Variants in GPHN observed in about 807,000 individuals in gnomAD.
The protein encoded by GPHN is gephyrin.
Under a neutral mutation model 95.5 loss-of-function variants are expected in GPHN, and 17 were observed. That is an observed-to-expected ratio of 0.18 (90% CI 0.12 to 0.27). GPHN has a LOEUF of 0.27. Among genes scored for constraint, GPHN ranks in the 10% least tolerant of loss-of-function variants. The pLI is 1.00. For synonymous variants in GPHN, 320 were observed against 322.5 expected, an observed-to-expected ratio of 0.99 and a Z score of 0.08; for missense variants, 660 against 978.1, an observed-to-expected ratio of 0.67 and a Z score of 4.34.
chr14:67,592,595 G>C, the GPHN span: 1 of 1,170,994 alleles, frequency 8.5e-7, no homozygotes. Flanking sequence ...TGAAAAGGTT[G>C]AGGAGTAATT....
the GPHN span, among the ~76,000 whole-genome samples, chr14:67,217,740 A>G: frequency 2.0e-5 from 3 of 152,114 alleles, no homozygotes; most frequent in Non-Finnish European, 4.4e-5. Flanking sequence ...TTAAGAGTTT[A>G]ATCTTAAGAG....
the GPHN span, among the ~76,000 whole-genome samples, chr14:67,709,119 C>G: frequency 1.3e-5 from 2 of 152,036 alleles, no homozygotes; most frequent in Non-Finnish European, 2.9e-5. Flanking sequence ...TTAATTAGGT[C>G]AGAAAAAGAC....
At chr14:67,321,037 A>G in the GPHN span, 2 of 1,610,318 alleles carry the variant, frequency 1.2e-6, no homozygotes, top group African/African-American at 2.7e-5. Context: ...TGTTATTTCT[A>G]TCTGATTTTG....
chr14:66,700,319 C>T (rs1010126027), intron 2 of GPHN, among the ~76,000 whole-genome samples: 2 of 152,120 alleles, frequency 1.3e-5, no homozygotes, highest in Admixed American at 6.6e-5. Flanking sequence ...TTTTGACACA[C>T]ATACTGGAAT....
At chr14:67,251,346 A>G in the GPHN span, among the ~76,000 whole-genome samples, 1 of 152,178 alleles carries the variant, frequency 6.6e-6, no homozygotes, top group Admixed American at 6.5e-5. Flanking sequence ...CAACCTGGGC[A>G]ACACAGTGGG....
chr14:66,599,392 A>ATTTGTTTTTTT (rs1555357374), intron 1 of GPHN, among the ~76,000 whole-genome samples: 1 of 76,524 alleles, frequency 1.3e-5, no homozygotes. Flanking sequence ...TTTTTTTTGC[A>ATTTGTTTTTTT]TTTTTTTTTT....
intron 3 of GPHN, among the ~76,000 whole-genome samples, chr14:66,777,960 G>C (rs1298987084): frequency 1.3e-5 from 2 of 152,100 alleles, no homozygotes; most frequent in African/African-American, 4.8e-5. Flanking sequence ...CATAGTGTTG[G>C]AAGTTCTGGC....
At chr14:67,004,543 G>A (rs754240365) in intron 9 of GPHN, among the ~76,000 whole-genome samples, 6 of 151,668 alleles carry the variant, frequency 4.0e-5, no homozygotes, top group Non-Finnish European at 8.9e-5. Flanking sequence ...TATGACTAGA[G>A]GAAATGTCTT....
Position 67,070,715 on chromosome 14 carries a change from A to AAAT in GPHN, c.1144+11930_1144+11931insATA. Among the ~76,000 whole-genome samples the AAAT allele has an allele frequency of 7.7e-3, 617 of 80,604 alleles. 12 individuals are homozygous for AAAT. Among genetic ancestry groups the AAAT allele is most frequent in the Non-Finnish European group, 0.01 (544 of 53,470 alleles). 52.9% of individuals were successfully genotyped at this position (80,604 alleles called of 152,430 possible). A position where few individuals can be genotyped will look rare whatever the true frequency, so the allele number is the denominator to read the frequency against. On this transcript the variant is annotated intron_variant, in intron 11 of 22. Coordinates refer to ENST00000478722, the MANE Select transcript of GPHN (RefSeq NM_020806.5). Reference sequence around the variant, plus strand: ...ATCTCAAAAAAAAAAAAAAAAAAAAAATATATATATATATCCAATCAGCAT... The same window carrying AAAT: ...ATCTCAAAAAAAAAAAAAAAAAAAAAAATATATATATATATATCCAATCAGCAT...
the GPHN span, among the ~76,000 whole-genome samples, chr14:67,657,394 C>G: frequency 6.6e-6 from 1 of 152,160 alleles, no homozygotes; most frequent in Non-Finnish European, 1.5e-5. Context: ...AAATTAGTAT[C>G]TGGGGCTTGA....
At chr14:66,684,583 A>G (rs2067214743) in intron 2 of GPHN, among the ~76,000 whole-genome samples, 1 of 152,190 alleles carries the variant, frequency 6.6e-6, no homozygotes, top group African/African-American at 2.4e-5. Context: ...ACTGTATAGT[A>G]CATACTCCAG....
the GPHN span, among the ~76,000 whole-genome samples, chr14:67,220,445 A>G: frequency 8.9e-5 from 12 of 135,150 alleles, no homozygotes; most frequent in Non-Finnish European, 1.5e-4. Flanking sequence ...TTTTCTCAGG[A>G]AAAAAAAAAA....
At chr14:67,004,621 A>ATT (rs2072475592) in intron 9 of GPHN, among the ~76,000 whole-genome samples, 1 of 151,736 alleles carries the variant, frequency 6.6e-6, no homozygotes, top group Non-Finnish European at 1.5e-5. Flanking sequence ...ACCATTCTTG[A>ATT]GTCCTGTGTT....
chr14:67,418,810 G>C, the GPHN span, among the ~76,000 whole-genome samples: 1 of 152,210 alleles, frequency 6.6e-6, no homozygotes, highest in Non-Finnish European at 1.5e-5. Flanking sequence ...CCCTGCCATG[G>C]AGGGGTGGGT....
the GPHN span, among the ~76,000 whole-genome samples, chr14:67,608,384 T>C: frequency 6.6e-6 from 1 of 152,220 alleles, no homozygotes; most frequent in Non-Finnish European, 1.5e-5. Context: ...AGAGATGCTT[T>C]AAGGTATACA....
intron 11 of GPHN, among the ~76,000 whole-genome samples, chr14:67,070,143 T>G (rs2076224223): frequency 6.6e-6 from 1 of 152,206 alleles, no homozygotes; most frequent in South Asian, 2.1e-4. Flanking sequence ...ATGAACTTCA[T>G]TACACTGCTA....
intron 9 of GPHN, among the ~76,000 whole-genome samples, chr14:67,011,765 G>A (rs889920311): frequency 2.7e-5 from 4 of 149,608 alleles, no homozygotes; most frequent in African/African-American, 4.9e-5. Context: ...GATTTTCAGT[G>A]TGTGCTATGA....
At chr14:67,057,674 GCTTC>G (rs547728612) in intron 10 of GPHN, among the ~76,000 whole-genome samples, 13 of 151,828 alleles carry the variant, frequency 8.6e-5, no homozygotes, top group East Asian at 5.8e-4. Context: ...TTCTTTTCTT[GCTTC>G]CTTCCTTCCT....
chr14:67,119,832 A>G (rs1418913315), intron 16 of GPHN, among the ~76,000 whole-genome samples: 1 of 151,776 alleles, frequency 6.6e-6, no homozygotes, highest in Non-Finnish European at 1.5e-5. Context: ...TAATGTTTAA[A>G]AAGTGGGAAG....
Sources: allele counts gnomAD v4.1 joint callset (sites outside exome capture counted in the v4.1 genomes callset), GRCh38; gene constraint gnomAD v4.1.1; transcripts MANE v1.5; gene names NCBI Gene and HGNC (gene_info 2026-07-23, HGNC 2026-07-21).